Variants in B3GALNT2 observed in about 807,000 individuals in gnomAD.
B3GALNT2 encodes the protein beta-1,3-N-acetylgalactosaminyltransferase 2, also known as UDP-GalNAc:beta-1,3-N-acetylgalactosaminyltransferase 2.
A neutral mutation model predicts 61.1 loss-of-function variants in B3GALNT2; 53 were observed. The observed-to-expected ratio is 0.87, with a 90% CI of 0.70 to 1.09. The LOEUF is 1.09. B3GALNT2 is among the 50% of genes least tolerant of loss of function. The pLI is 0.00. For synonymous variants in B3GALNT2, 223 were observed against 237.4 expected (o/e 0.94, Z 0.56); for missense variants, 544 against 623.0 (o/e 0.87, Z 1.35).
intron 1 of B3GALNT2, among the ~76,000 whole-genome samples, chr1:235,495,402 T>C (rs887237271): frequency 1.3e-5 from 2 of 152,198 alleles, no homozygotes; most frequent in Non-Finnish European, 2.9e-5. Context: ...GTTATTAAGT[T>C]TGGCGGATGA....
chr1:235,483,102 A>C (rs1445911546), intron 4 of B3GALNT2, among the ~76,000 whole-genome samples: 1 of 152,192 alleles, frequency 6.6e-6, no homozygotes, highest in Non-Finnish European at 1.5e-5. Flanking sequence ...ACTAAAAAGT[A>C]TAATATTTAA....
intron 5 of B3GALNT2, chr1:235,478,934 T>G (rs1187188055): frequency 6.6e-6 from 1 of 152,250 alleles, no homozygotes; most frequent in African/African-American, 2.4e-5. Flanking sequence ...TGGCTTTTAT[T>G]TAAAAGTCGT....
At chr1:235,483,387 T>C (rs993073592) in intron 4 of B3GALNT2, among the ~76,000 whole-genome samples, 2 of 152,208 alleles carry the variant, frequency 1.3e-5, no homozygotes, top group African/African-American at 4.8e-5. Context: ...TTTGGTAAAA[T>C]ACATACATTT....
At position 235,448,841 on chromosome 1, in the gene B3GALNT2, A is replaced by C; in HGVS notation, c.*1365T>G. On this transcript the variant is annotated 3_prime_UTR_variant, in exon 12 of 12. Coordinates refer to ENST00000366600, the MANE Select transcript of B3GALNT2 (RefSeq NM_152490.5). ...CGGAAATAAATGATTCACTGGAACA[A>C]TTCTACTGTCAAAACAAAGGGGGTT... is the stretch of plus-strand genomic sequence containing the variant. 1 of 1,071,816 alleles carries C rather than the reference A, an allele frequency of 9.3e-7. No homozygotes were observed. Among genetic ancestry groups the C allele is most frequent in the Non-Finnish European group, 1.4e-6 (1 of 700,850 alleles). 66.4% of individuals were successfully genotyped at this position (1,071,816 alleles called of 1,614,324 possible). A position where few individuals can be genotyped will look rare whatever the true frequency, so the allele number is the denominator to read the frequency against.
At chr1:235,455,397 C>T (rs934613937) in intron 9 of B3GALNT2, among the ~76,000 whole-genome samples, 162 bp downstream of exon 9, 1 of 151,892 alleles carries the variant, frequency 6.6e-6, no homozygotes, top group Non-Finnish European at 1.5e-5. Context: ...AGATGTGAGC[C>T]AGCATGACTG....
rs1685731091 is a variant in B3GALNT2, at chr1:235,504,231, G to C, written c.22C>G (p.Leu8Val). The C allele has an allele frequency of 6.7e-7, 1 of 1,483,256 alleles. No homozygotes were observed. Among genetic ancestry groups the C allele is most frequent in the Middle Eastern group, 2.3e-4 (1 of 4,412 alleles). 91.9% of individuals were successfully genotyped at this position (1,483,256 alleles called of 1,614,324 possible). Residue 8 changes from leucine (L) to valine (V), a missense_variant, in exon 1 of 12, where the codon CTG becomes GTG. Transcript: ENST00000366600. MRNWLVL[L>V]CPCVLGAALH... ...GCGGCCCCGAGCACACACGGGCACAGCAGCACCAGCCAGTTTCGCATTGGC... is the reference window on the plus strand; with the variant it reads ...GCGGCCCCGAGCACACACGGGCACACCAGCACCAGCCAGTTTCGCATTGGC...
chr1:235,443,238 G>T (rs1344018637), downstream of B3GALNT2, among the ~76,000 whole-genome samples: 1 of 151,578 alleles, frequency 6.6e-6, no homozygotes, highest in African/African-American at 2.4e-5. Flanking sequence ...GCCTCACTCT[G>T]TCACCCAGGT....
At chr1:235,460,574 CTTTGT>C (rs1417193237) in intron 7 of B3GALNT2, among the ~76,000 whole-genome samples, 1 of 149,356 alleles carries the variant, frequency 6.7e-6, no homozygotes, top group African/African-American at 2.5e-5. Context: ...TGATTATTTC[CTTTGT>C]TTTTTTTTTT....
At chr1:235,478,178 G>A (rs572658502) in intron 5 of B3GALNT2, among the ~76,000 whole-genome samples, 130 of 152,088 alleles carry the variant, frequency 8.5e-4, no homozygotes, top group African/African-American at 3.0e-3. Context: ...TCAGCCTCCC[G>A]AGTAACTGGG....
chr1:235,459,360 T>C (rs1409986174), intron 7 of B3GALNT2, among the ~76,000 whole-genome samples: 1 of 152,184 alleles, frequency 6.6e-6, no homozygotes, highest in Admixed American at 6.6e-5. Flanking sequence ...TGGTGGCTTA[T>C]GCCTGTAATC....
chr1:235,486,969 G>A (rs1033907018), intron 3 of B3GALNT2, among the ~76,000 whole-genome samples: 6 of 152,090 alleles, frequency 3.9e-5, no homozygotes, highest in African/African-American at 1.4e-4. Context: ...AGGAGTTTGA[G>A]ACTAGCCTGG....
At chr1:235,444,992 C>CT (rs2102944798), downstream of B3GALNT2, among the ~76,000 whole-genome samples, 1 of 152,388 alleles carries the variant, frequency 6.6e-6, no homozygotes, top group African/African-American at 2.4e-5. Flanking sequence ...GTACACCTGA[C>CT]TGGTATCCCA....
intron 5 of B3GALNT2, among the ~76,000 whole-genome samples, chr1:235,472,932 G>A (rs550286639): frequency 1.3e-5 from 2 of 151,442 alleles, no homozygotes; most frequent in Non-Finnish European, 2.9e-5. Flanking sequence ...TTTTTGAGAC[G>A]GAGTCTCACT....
chr1:235,458,738 A>G lies in B3GALNT2; in HGVS notation c.890T>C (p.Ile297Thr), dbSNP rs201517274. The stretch of plus-strand genomic sequence containing the variant: ...CTCATGGAGATTCCTTATATGATCA[A>G]TAAGTCTTTGAGGGCGAGAATGAAG... ...HNLHSRPQRL[I>T]DHIRNLHEED... Residue 297 changes from isoleucine (I) to threonine (T), a missense_variant, in exon 8 of 12, where the codon ATT becomes ACT. Transcript: ENST00000366600. 2.8e-5 allele frequency: 45 copies of G among 1,611,526 alleles called. No homozygotes were observed. Among genetic ancestry groups the G allele is most frequent in the Non-Finnish European group, 3.5e-5 (41 of 1,179,180 alleles).
intron 1 of B3GALNT2, among the ~76,000 whole-genome samples, chr1:235,498,391 C>T (rs1685427195): frequency 6.6e-6 from 1 of 152,104 alleles, no homozygotes; most frequent in Non-Finnish European, 1.5e-5. Flanking sequence ...AATAGCAAGC[C>T]TATGAAAACA....
chr1:235,463,992 A>G (rs1054056208), intron 7 of B3GALNT2: 14 of 152,274 alleles, frequency 9.2e-5, no homozygotes, highest in African/African-American at 3.4e-4. Flanking sequence ...ATCTACAGTC[A>G]CTGATTTTCA....
At chr1:235,463,976 C>A (rs1683559048) in intron 7 of B3GALNT2, 1 of 152,214 alleles carries the variant, frequency 6.6e-6, no homozygotes, top group Non-Finnish European at 1.5e-5. Flanking sequence ...TCAAGTAAAT[C>A]CTTACATCTA....
In B3GALNT2 at chr1:235,454,251, C is replaced by T. The variant is rs369079608; in HGVS notation, c.1216G>A (p.Ala406Thr). The change falls in exon 10 of 12, where the codon GCT (alanine) becomes ACT (threonine). Residue 406 changes from alanine (A) to threonine (T), a missense_variant. Physicochemically the swap from Ala to Thr is moderately conservative, Grantham distance 58. Coordinates refer to ENST00000366600, the MANE Select transcript of B3GALNT2 (RefSeq NM_152490.5). ...KWQELEYPSP[A>T]YPAFACGSGY... ...GACCCACATGCAAAGGCAGGGTAAG[C>T]GGGGCTCGGGTACTCCAACTCCTGC... The T allele has an allele frequency of 1.1e-5, 18 of 1,612,946 alleles. No homozygotes were observed. Among genetic ancestry groups the T allele is most frequent in the East Asian group, 2.2e-5 (1 of 44,856 alleles).
chr1:235,450,443 A>C (rs1027997215), intron 11 of B3GALNT2, 103 bp from the exon 12 acceptor site: 5 of 1,373,466 alleles, frequency 3.6e-6, no homozygotes, highest in Non-Finnish European at 4.0e-6. Context: ...ATGATGCTGA[A>C]ATTATTTCAA....
Sources: gnomAD v4.1 joint callset for allele counts (sites outside exome capture counted in the v4.1 genomes callset) on GRCh38, gnomAD v4.1.1 for gene constraint, MANE v1.5 for transcripts, NCBI Gene and HGNC (gene_info 2026-07-23, HGNC 2026-07-21) for gene names.